The following GPR39 variants were observed in gnomAD, a reference collection of about 807,000 sequenced individuals.
GPR39 encodes zinc sensing receptor.
Under a neutral mutation model 18.4 loss-of-function variants are expected in GPR39, and 23 were observed. That is an observed-to-expected ratio of 1.25 (90% CI 0.90 to 1.77). GPR39 has a LOEUF of 1.77. Ranked by LOEUF, GPR39 falls within the 40% of genes most tolerant of loss-of-function variation. The pLI, the probability that GPR39 is intolerant of heterozygous loss-of-function variation, is 0.00. For missense variants in GPR39, 647 were observed against 602.4 expected (o/e 1.07, Z -0.78); for synonymous variants, 280 against 257.9 (o/e 1.09, Z -0.82).
In GPR39 at chr2:132,645,408, G is replaced by T. The variant is rs1682006966; in HGVS notation, c.1164G>T (p.Val388=). Residue 388 remains valine, a synonymous_variant, in exon 2 of 2, where the codon GTG becomes GTT. Transcript: ENST00000329321. The part of the protein sequence containing the change: ...AHSTTDSARF[V]QRPLLFASRR... ...CCACCACCGACAGCGCCCGCTTTGT[G>T]CAGCGCCCGTTGCTCTTCGCGTCCC... The T allele has an allele frequency of 1.2e-6, 2 of 1,613,412 alleles. No homozygotes were observed. Among genetic ancestry groups the T allele is most frequent in the African/African-American group, 2.7e-5 (2 of 74,916 alleles).
At chr2:132,632,482 C>A (rs577581875) in intron 1 of GPR39, among the ~76,000 whole-genome samples, 1 of 152,106 alleles carries the variant, frequency 6.6e-6, no homozygotes, top group Non-Finnish European at 1.5e-5. Context: ...TTTGCATTTG[C>A]GACTCAGAAA....
intron 1 of GPR39, among the ~76,000 whole-genome samples, chr2:132,549,111 G>A (rs3109137): frequency 0.4 from 60,397 of 151,866 alleles, 12,946 homozygotes; most frequent in African/African-American, 0.57. Context: ...CATATCCTAG[G>A]CTTGACTAGG....
intron 1 of GPR39, among the ~76,000 whole-genome samples, chr2:132,457,307 C>T (rs58179370): frequency 3.9e-5 from 6 of 152,258 alleles, no homozygotes; most frequent in East Asian, 1.9e-4. Context: ...ATGAAGTTCT[C>T]GTGCTATGAT....
intron 1 of GPR39, among the ~76,000 whole-genome samples, chr2:132,636,606 A>C (rs1474256792): frequency 1.3e-5 from 2 of 152,212 alleles, no homozygotes; most frequent in Admixed American, 1.3e-4. Context: ...GTTTGGACTC[A>C]TGGGCTGTGT....
chr2:132,619,235 G>A (rs184974629), intron 1 of GPR39, among the ~76,000 whole-genome samples: 147 of 152,320 alleles, frequency 9.7e-4, no homozygotes, highest in African/African-American at 3.4e-3. Context: ...ATCAGGCTAT[G>A]CACATCCTTA....
intron 1 of GPR39, among the ~76,000 whole-genome samples, chr2:132,437,024 A>C (rs1680336683): frequency 6.6e-6 from 1 of 152,170 alleles, no homozygotes; most frequent in Non-Finnish European, 1.5e-5. Context: ...AAACACGGAG[A>C]GTTTAAGGAA....
intron 1 of GPR39, 151 bp from the exon 2 acceptor site, chr2:132,644,950 T>TGTCAA (rs1553462172): frequency 1.5e-5 from 12 of 813,744 alleles, no homozygotes; most frequent in African/African-American, 5.2e-5. Flanking sequence ...CAAAAGAAGC[T>TGTCAA]GTCAAGTCCA....
chr2:132,610,147 G>C (rs1681214583), intron 1 of GPR39, among the ~76,000 whole-genome samples: 1 of 152,020 alleles, frequency 6.6e-6, no homozygotes, highest in Non-Finnish European at 1.5e-5. Flanking sequence ...GAATGAATAG[G>C]AATACCTCAC....
intron 1 of GPR39, among the ~76,000 whole-genome samples, chr2:132,594,715 A>C (rs1680906257): frequency 6.6e-6 from 1 of 151,916 alleles, no homozygotes. Context: ...ACACCGAGAT[A>C]CCTCTTAAAG....
At chr2:132,594,289 A>C (rs1680898155) in intron 1 of GPR39, among the ~76,000 whole-genome samples, 1 of 152,004 alleles carries the variant, frequency 6.6e-6, no homozygotes, top group Non-Finnish European at 1.5e-5. Flanking sequence ...ATTGGACTTG[A>C]CGCTTTCCTG....
At chr2:132,433,886 A>G (rs1419545087) in intron 1 of GPR39, 2 of 151,792 alleles carry the variant, frequency 1.3e-5, no homozygotes, top group Non-Finnish European at 2.9e-5. Context: ...AGACTCTAAT[A>G]TGATTCAAGA....
intron 1 of GPR39, among the ~76,000 whole-genome samples, chr2:132,457,458 C>T (rs773936604): frequency 6.6e-5 from 10 of 152,090 alleles, no homozygotes; most frequent in African/African-American, 9.7e-5. Context: ...TTGTTATTAC[C>T]GACCTTCTGA....
chr2:132,421,295 G>A (rs193260231), intron 1 of GPR39, among the ~76,000 whole-genome samples: 33 of 152,262 alleles, frequency 2.2e-4, no homozygotes, highest in African/African-American at 7.7e-4. Flanking sequence ...GCTATCAAGT[G>A]TCACCCACTC....
chr2:132,587,660 G>T (rs1680754048), intron 1 of GPR39, among the ~76,000 whole-genome samples: 1 of 151,702 alleles, frequency 6.6e-6, no homozygotes, highest in Admixed American at 6.6e-5. Context: ...TCAGCCTCCC[G>T]AGTAGCTGGG....
chr2:132,637,891 C>T (rs924026721), intron 1 of GPR39, among the ~76,000 whole-genome samples: 23 of 152,144 alleles, frequency 1.5e-4, no homozygotes, highest in African/African-American at 5.3e-4. Flanking sequence ...ACCCAATTGC[C>T]TTCTCAAGAT....
chr2:132,621,709 C>T (rs1681446385), intron 1 of GPR39, among the ~76,000 whole-genome samples: 1 of 152,166 alleles, frequency 6.6e-6, no homozygotes, highest in African/African-American at 2.4e-5. Context: ...GTCTCCAGCC[C>T]AGCCAGCTGG....
intron 1 of GPR39, among the ~76,000 whole-genome samples, chr2:132,489,357 G>A (rs1396285618): frequency 1.3e-5 from 2 of 152,106 alleles, no homozygotes; most frequent in Non-Finnish European, 2.9e-5. Context: ...CGAGGGCGGT[G>A]GGGGCCGCTG....
At chr2:132,552,349 G>A (rs1248432832) in intron 1 of GPR39, among the ~76,000 whole-genome samples, 3 of 152,036 alleles carry the variant, frequency 2.0e-5, no homozygotes, top group African/African-American at 7.2e-5. Context: ...AGATCTTGTT[G>A]TTTAAGTGTG....
chr2:132,583,427 T>TA (rs1470379729), intron 1 of GPR39, among the ~76,000 whole-genome samples: 1 of 150,614 alleles, frequency 6.6e-6, no homozygotes, highest in African/African-American at 2.4e-5. Flanking sequence ...TAATCTAACT[T>TA]AAAATAGACT....
Sources: gnomAD v4.1 joint callset for allele counts (sites outside exome capture counted in the v4.1 genomes callset) on GRCh38, gnomAD v4.1.1 for gene constraint, MANE v1.5 for transcripts, NCBI Gene and HGNC (gene_info 2026-07-23, HGNC 2026-07-21) for gene names.